CLMN: variants seen among roughly 807,000 people sequenced by gnomAD.
CLMN encodes the protein calmin.
CLMN carries 57 observed loss-of-function variants against 92.7 expected under a neutral mutation model. That is an observed-to-expected ratio of 0.61 (90% CI 0.50 to 0.77). The LOEUF (loss-of-function observed/expected upper bound fraction) is 0.77. Among genes scored for constraint, CLMN ranks in the 30% least tolerant of loss-of-function variants. The pLI is 0.00. For missense variants in CLMN, 1,158 were observed against 1,237.5 expected, an observed-to-expected ratio of 0.94 and a Z score of 0.96; for synonymous variants, 466 against 470.6, an observed-to-expected ratio of 0.99 and a Z score of 0.13.
intron 1 of CLMN, among the ~76,000 whole-genome samples, chr14:95,232,293 C>G (rs1232116188): frequency 6.6e-6 from 1 of 152,226 alleles, no homozygotes; most frequent in East Asian, 1.9e-4. Context: ...TCCTCAGCTA[C>G]TGGATTTCAA....
chr14:95,317,836 G>C (rs573900481), intron 1 of CLMN, among the ~76,000 whole-genome samples: 1 of 152,226 alleles, frequency 6.6e-6, no homozygotes, highest in South Asian at 2.1e-4. Context: ...CTTAATAAGT[G>C]CACATTTAAA....
intron 1 of CLMN, among the ~76,000 whole-genome samples, chr14:95,278,502 G>A (rs1402220398): frequency 6.6e-6 from 1 of 152,108 alleles, no homozygotes; most frequent in Non-Finnish European, 1.5e-5. Context: ...AAGGGAGAAG[G>A]TGCCACCGAT....
chr14:95,311,907 CTG>C, intron 1 of CLMN, among the ~76,000 whole-genome samples: 1 of 152,088 alleles, frequency 6.6e-6, no homozygotes, highest in Non-Finnish European at 1.5e-5. Context: ...GGTAGACAAT[CTG>C]TGACTCATGC....
At chr14:95,214,480 G>T (rs1897278686) in intron 5 of CLMN, among the ~76,000 whole-genome samples, 1 of 150,560 alleles carries the variant, frequency 6.6e-6, no homozygotes, top group Admixed American at 6.7e-5. Context: ...CTTCCAAGTT[G>T]CTGGGATTAC....
At chr14:95,249,017 G>A (rs28391318) in intron 1 of CLMN, among the ~76,000 whole-genome samples, 22,825 of 152,048 alleles carry the variant, frequency 0.15, 2,907 homozygotes, top group African/African-American at 0.34. Flanking sequence ...TACAAAATGA[G>A]TGGGTATCTA....
At chr14:95,241,351 A>G (rs1898236903) in intron 1 of CLMN, among the ~76,000 whole-genome samples, 1 of 152,156 alleles carries the variant, frequency 6.6e-6, no homozygotes, top group Admixed American at 6.5e-5. Context: ...CACTCTGGCT[A>G]GGAGTCAGCT....
At chr14:95,211,405 C>T (rs1464278249) in intron 6 of CLMN, among the ~76,000 whole-genome samples, 2 of 152,110 alleles carry the variant, frequency 1.3e-5, no homozygotes, top group Admixed American at 6.5e-5. Context: ...TAATATACAA[C>T]GTTGGGAGCC....
At chr14:95,305,348 G>T (rs562252378) in intron 1 of CLMN, among the ~76,000 whole-genome samples, 59 of 152,326 alleles carry the variant, frequency 3.9e-4, no homozygotes, top group African/African-American at 1.2e-3. Flanking sequence ...ACCACTCAAA[G>T]CTCCGCCCCA....
chr14:95,299,255 C>T (rs1900939937), intron 1 of CLMN, among the ~76,000 whole-genome samples: 1 of 152,278 alleles, frequency 6.6e-6, no homozygotes, highest in East Asian at 1.9e-4. Context: ...AAAGGCTCAT[C>T]CAAGTCAGGA....
At chr14:95,293,105 C>A (rs1900640106) in intron 1 of CLMN, among the ~76,000 whole-genome samples, 1 of 128,830 alleles carries the variant, frequency 7.8e-6, no homozygotes, top group African/African-American at 3.0e-5. Context: ...AAAATCCCTG[C>A]CCTCCCCTCC....
At chr14:95,309,536 A>G (rs1458186377) in intron 1 of CLMN, among the ~76,000 whole-genome samples, 1 of 152,228 alleles carries the variant, frequency 6.6e-6, no homozygotes, top group Non-Finnish European at 1.5e-5. Flanking sequence ...ACCATGACAC[A>G]ACGACACCAC....
chr14:95,239,242 T>C (rs2140651147), intron 1 of CLMN, among the ~76,000 whole-genome samples: 1 of 152,282 alleles, frequency 6.6e-6, no homozygotes, highest in South Asian at 2.1e-4. Context: ...TTAGCAGACA[T>C]TGATGACTAT....
chr14:95,242,554 C>T (rs1218350494), intron 1 of CLMN, among the ~76,000 whole-genome samples: 3 of 148,046 alleles, frequency 2.0e-5, no homozygotes, highest in African/African-American at 7.8e-5. Flanking sequence ...GCCACCATGC[C>T]CAGCCTGGCA....
In CLMN at chr14:95,202,970, G is replaced by A. The variant is rs149997960; in HGVS notation, c.2379C>T (p.Ala793=). The A allele has an allele frequency of 6.1e-5, 98 of 1,614,106 alleles. No individual in the cohort carries two copies. The African/African-American group carries it at 1.2e-3, about 20-fold the overall frequency. The change falls in exon 9 of 13, where the codon GCC becomes GCT. Residue 793 remains alanine (A), a synonymous_variant. Coordinates refer to ENST00000298912, the MANE Select transcript of CLMN (RefSeq NM_024734.4). ...TGCTGAGATACAGCACCTGGTCGCT[G>A]GCACTGGGGAGGCTCTCTCCTGGCA... ...SSVPGESLPS[A]SDQVLYLSRG...
At chr14:95,205,405 T>C (rs1315699239) in intron 8 of CLMN, among the ~76,000 whole-genome samples, 2 of 152,236 alleles carry the variant, frequency 1.3e-5, no homozygotes, top group Admixed American at 1.3e-4. Flanking sequence ...GCAAAGGCTC[T>C]AGAATAACTA....
At chr14:95,250,579 A>G (rs1025475960) in intron 1 of CLMN, among the ~76,000 whole-genome samples, 19 of 152,340 alleles carry the variant, frequency 1.2e-4, no homozygotes, top group African/African-American at 4.3e-4. Flanking sequence ...GTTGCCCCAC[A>G]TGTAACTTCT....
chr14:95,298,964 A>AC, intron 1 of CLMN, among the ~76,000 whole-genome samples: 1 of 152,190 alleles, frequency 6.6e-6, no homozygotes, highest in Non-Finnish European at 1.5e-5. Context: ...TTACTTTGGT[A>AC]CCCCACAGAA....
intron 2 of CLMN, among the ~76,000 whole-genome samples, chr14:95,224,886 T>C (rs959639109): frequency 1.3e-5 from 2 of 152,130 alleles, no homozygotes; most frequent in African/African-American, 2.4e-5. Flanking sequence ...GGTGGGACCC[T>C]TAGCAGAGGA....
At position 95,308,775 on chromosome 14, in the gene CLMN, T is replaced by C. The variant is rs184701014; in HGVS notation, c.82+10936A>G. Among the ~76,000 whole-genome samples, 3 of 152,282 alleles carry C rather than the reference T, an allele frequency of 2.0e-5. No individual in the cohort carries two copies. In the East Asian group the frequency reaches 5.8e-4, roughly 29 times the overall value. Reference sequence around the variant, plus strand: ...ATTGTAACAGCAACAATACCGCAGATTGTCTTCTGTAACTCAGGTTGCAAC... The same window carrying C: ...ATTGTAACAGCAACAATACCGCAGACTGTCTTCTGTAACTCAGGTTGCAAC... On this transcript the variant is annotated intron_variant, in intron 1 of 12. Transcript: ENST00000298912.
Sources: allele counts gnomAD v4.1 joint callset (sites outside exome capture counted in the v4.1 genomes callset), GRCh38; gene constraint gnomAD v4.1.1; transcripts MANE v1.5; gene names NCBI Gene and HGNC (gene_info 2026-07-23, HGNC 2026-07-21).